SV2B: variants seen among roughly 807,000 people sequenced by gnomAD.
SV2B encodes solute carrier family 22 member B2.
Under a neutral mutation model 73.9 loss-of-function variants are expected in SV2B, and 41 were observed. The ratio of observed to expected loss-of-function variants is 0.56; its 90% CI spans 0.43 to 0.72. The LOEUF is 0.72. Among genes scored for constraint, SV2B ranks in the 30% least tolerant of loss-of-function variants. SV2B has a pLI of 0.00. For missense variants in SV2B, 764 were observed against 857.8 expected, an observed-to-expected ratio of 0.89 and a Z score of 1.37; for synonymous variants, 314 against 314.2, an observed-to-expected ratio of 1.00 and a Z score of 0.01.
At chr15:91,126,446 A>G (rs2042484444) in intron 1 of SV2B, among the ~76,000 whole-genome samples, 1 of 152,202 alleles carries the variant, frequency 6.6e-6, no homozygotes, top group African/African-American at 2.4e-5. Flanking sequence ...TAATAGTGGG[A>G]GAGAGACCTG....
intron 1 of SV2B, among the ~76,000 whole-genome samples, chr15:91,164,363 C>T (rs1054198479): frequency 3.9e-5 from 6 of 152,180 alleles, no homozygotes; most frequent in South Asian, 2.1e-4. Flanking sequence ...TACAAGGCTA[C>T]GGGACTGCTT....
In SV2B at chr15:91,242,604, G is replaced by A. The variant is rs910474852; in HGVS notation, c.452-9215G>A. Among the ~76,000 whole-genome samples the A allele has an allele frequency of 3.3e-5, 5 of 152,174 alleles. No individual in the cohort carries two copies. Among genetic ancestry groups the A allele is most frequent in the Admixed American group, 6.5e-5 (1 of 15,276 alleles). The stretch of plus-strand genomic sequence containing the variant: ...CTGAACAAAGAACATTCTAGATAGA[G>A]GAAAGAGCAGTGTGAAGACTCTGAG... On this transcript the variant is annotated intron_variant, in intron 2 of 12. Transcript: ENST00000394232. The surrounding 1 kb of genome is among the most constrained non-coding windows in gnomAD (Gnocchi z 4.9).
At position 91,267,092 on chromosome 15, in the gene SV2B, T is replaced by G. The variant is rs916440203; in HGVS notation, c.1119+400T>G. 4.3e-5 allele frequency: 8 copies of G among 186,834 alleles called. No individual in the cohort carries two copies. The allele number at this position is 186,834 out of a possible 1,614,324, so 11.6% of individuals were successfully genotyped here. The stretch of plus-strand genomic sequence containing the variant: ...CATTTTTCTAAAAGGGCAATGCCAT[T>G]TCTCTGGAGCACTGGCTCCTCCAAG... On this transcript the variant is annotated intron_variant, in intron 7 of 12. Transcript: ENST00000394232. This position sits in a 1 kb window ranked among gnomAD's most constrained non-coding sequence, Gnocchi z 4.3.
Position 91,290,824 on chromosome 15 carries a change from A to G in SV2B, c.1868+1144A>G, listed in dbSNP as rs2049015615. 1.3e-5 allele frequency among the ~76,000 whole-genome samples: 2 copies of G among 152,056 alleles called. No homozygotes were observed. The highest frequency in any genetic ancestry group is 2.4e-5 in the African/African-American group (1 of 41,402). On this transcript the variant is annotated intron_variant, in intron 12 of 12. Transcript: ENST00000394232. The surrounding 1 kb of genome is among the most constrained non-coding windows in gnomAD (Gnocchi z 4.7). ...GCTGGAGTTCAAGATCAGCCTGGGC[A>G]ATACAGTGAGACCCCTATCTCTACA...
At position 91,242,879 on chromosome 15, in the gene SV2B, T is replaced by G. The variant is rs1243554770; in HGVS notation, c.452-8940T>G. On this transcript the variant is annotated intron_variant, in intron 2 of 12. Transcript: ENST00000394232. The surrounding 1 kb of genome is among the most constrained non-coding windows in gnomAD (Gnocchi z 4.9). ...GTAGTGTTTTAAAACTCAGAGATTT[T>G]ATTTAGCAATCTAGATTTCTGGTTC... Among the ~76,000 whole-genome samples, 1 of 152,224 alleles carries G rather than the reference T, an allele frequency of 6.6e-6. No individual in the cohort carries two copies. The highest frequency in any genetic ancestry group is 1.5e-5 in the Non-Finnish European group (1 of 68,030).
intron 11 of SV2B, among the ~76,000 whole-genome samples, chr15:91,285,252 T>G (rs922290513): frequency 6.6e-6 from 1 of 152,210 alleles, no homozygotes; most frequent in African/African-American, 2.4e-5. Flanking sequence ...GAACTGCCTG[T>G]GACTTCAGCT....
intron 1 of SV2B, among the ~76,000 whole-genome samples, chr15:91,154,440 T>G (rs1179545806): frequency 2.0e-5 from 3 of 151,984 alleles, no homozygotes; most frequent in African/African-American, 7.3e-5. Flanking sequence ...GACAGGCAGA[T>G]TGTGGAAGGA....
In SV2B at chr15:91,167,945, A is replaced by G. The variant is rs181338281; in HGVS notation, c.-391-57928A>G. Among the ~76,000 whole-genome samples the G allele has an allele frequency of 1.7e-4, 26 of 152,260 alleles. 1 individual carries two copies. The highest frequency in any genetic ancestry group is 4.1e-4 in the African/African-American group (17 of 41,552). On this transcript the variant is annotated intron_variant, in intron 1 of 12. Transcript: ENST00000394232. ...CTACCTCCTGTAGGCTCTGGATCCA[A>G]TGTAAATTTAATTTTCACGGCCTTT... is the stretch of plus-strand genomic sequence containing the variant.
chr15:91,266,772 T>C, intron 7 of SV2B, 80 bp downstream of exon 7: 6 of 1,195,778 alleles, frequency 5.0e-6, no homozygotes, highest in Non-Finnish European at 5.9e-6. Context: ...ATGCAGCTCC[T>C]GAACATCCCC....
chr15:91,279,565 G>T (rs1457555106), intron 9 of SV2B, among the ~76,000 whole-genome samples: 1 of 152,190 alleles, frequency 6.6e-6, no homozygotes, highest in African/African-American at 2.4e-5. Context: ...ATATGTGTTG[G>T]CCCTTTCTCC....
At chr15:91,256,061 CAG>C (rs1331207096) in intron 4 of SV2B, among the ~76,000 whole-genome samples, 1 of 151,982 alleles carries the variant, frequency 6.6e-6, no homozygotes, top group Non-Finnish European at 1.5e-5. Flanking sequence ...TTACAAAGCT[CAG>C]AATGTTTTCC....
rs960808600 is a variant in SV2B, at chr15:91,284,873, A to C, written c.1708+652A>C. Reference sequence around the variant, plus strand: ...GTATGCCTTGCCTCATTCCATCGGGACTTGCAGCAATTTATTACAGAAACA... The same window carrying C: ...GTATGCCTTGCCTCATTCCATCGGGCCTTGCAGCAATTTATTACAGAAACA... On this transcript the variant is annotated intron_variant, in intron 11 of 12. Transcript: ENST00000394232. This position sits in a 1 kb window ranked among gnomAD's most constrained non-coding sequence, Gnocchi z 4.5. Among the ~76,000 whole-genome samples the C allele has an allele frequency of 2.0e-5, 3 of 152,184 alleles. No individual in the cohort carries two copies. The highest frequency in any genetic ancestry group is 7.2e-5 in the African/African-American group (3 of 41,432).
In SV2B at chr15:91,162,009, A is replaced by C. The variant is rs1048445006; in HGVS notation, c.-392+61646A>C. On this transcript the variant is annotated intron_variant, in intron 1 of 12. Transcript: ENST00000394232. ...CAGATGACAATACAAGTGAACAGTA[A>C]AATGCAAACATTTTCTTAGATAGCT... Among the ~76,000 whole-genome samples, 3 of 152,232 alleles carry C rather than the reference A, an allele frequency of 2.0e-5. No homozygotes were observed. In the East Asian group the frequency reaches 5.8e-4, roughly 29 times the overall value.
chr15:91,290,423 C>A lies in SV2B; in HGVS notation c.1868+743C>A, dbSNP rs2049003392. On this transcript the variant is annotated intron_variant, in intron 12 of 12. Coordinates refer to ENST00000394232, the MANE Select transcript of SV2B (RefSeq NM_001323032.3). This position sits in a 1 kb window ranked among gnomAD's most constrained non-coding sequence, Gnocchi z 4.7. ...AGCCCCTCTCATTTGAATCAAAGAA[C>A]TGCTAAGTTTTACACAAAATAACAG... Among the ~76,000 whole-genome samples the A allele has an allele frequency of 6.6e-6, 1 of 152,148 alleles. No homozygotes were observed. Among genetic ancestry groups the A allele is most frequent in the Admixed American group, 6.5e-5 (1 of 15,288 alleles).
rs1183247471 is a variant in SV2B at position 91,240,791 on chromosome 15, T to C, written c.452-11028T>C. ...ATTCCCGTATGACACTGTACATGCC[T>C]CCGTTCCCCTATGTTTCCCCCTTCT... On this transcript the variant is annotated intron_variant, in intron 2 of 12. Coordinates refer to ENST00000394232, the MANE Select transcript of SV2B (RefSeq NM_001323032.3). This position sits in a 1 kb window ranked among gnomAD's most constrained non-coding sequence, Gnocchi z 4.6. Among the ~76,000 whole-genome samples the C allele has an allele frequency of 6.6e-6, 1 of 152,134 alleles. No individual in the cohort carries two copies. The highest frequency in any genetic ancestry group is 1.5e-5 in the Non-Finnish European group (1 of 68,018).
chr15:91,263,373 CAG>C (rs2047988738), intron 6 of SV2B, among the ~76,000 whole-genome samples: 1 of 151,216 alleles, frequency 6.6e-6, no homozygotes, highest in South Asian at 2.1e-4. Flanking sequence ...CACATTAAGA[CAG>C]ACACAGATGC....
chr15:91,111,344 TG>T (rs2042029334), intron 1 of SV2B, among the ~76,000 whole-genome samples: 1 of 152,216 alleles, frequency 6.6e-6, no homozygotes, highest in African/African-American at 2.4e-5. Flanking sequence ...TACTTTCTTG[TG>T]GTTCTTTGAG....
chr15:91,147,197 C>T (rs370005146), intron 1 of SV2B, among the ~76,000 whole-genome samples: 60 of 152,354 alleles, frequency 3.9e-4, no homozygotes, highest in African/African-American at 1.4e-3. Context: ...GGAATGTGAA[C>T]GTATCAGCCA....
rs118045833 is a variant in SV2B, at chr15:91,146,985, A to T, written c.-392+46622A>T. ...GCAATGTTTGCAAAGCTTCTGAGCC[A>T]TATAACTCAATTCATGAGCCTACAC... is the stretch of plus-strand genomic sequence containing the variant. On this transcript the variant is annotated intron_variant, in intron 1 of 12. Transcript: ENST00000394232. Among the ~76,000 whole-genome samples the T allele has an allele frequency of 2.2e-3, 332 of 152,336 alleles. 6 individuals carry two copies. In the East Asian group the frequency reaches 0.059, roughly 27 times the overall value.
Sources: gnomAD v4.1 joint callset for allele counts (sites outside exome capture counted in the v4.1 genomes callset) on GRCh38, gnomAD v4.1.1 for gene constraint, Gnocchi (gnomAD v3.1) non-coding constraint, MANE v1.5 for transcripts, NCBI Gene and HGNC (gene_info 2026-07-23, HGNC 2026-07-21) for gene names.